TNR: variants seen among roughly 807,000 people sequenced by gnomAD.
TNR encodes tenascin R.
A neutral mutation model predicts 150.4 loss-of-function variants in TNR; 45 were observed. That is an observed-to-expected ratio of 0.30 (90% CI 0.24 to 0.38). TNR has a LOEUF of 0.38. Among genes scored for constraint, TNR ranks in the 10% least tolerant of loss-of-function variants. TNR has a pLI of 1.00. For missense variants in TNR, 1,544 were observed against 1,759.1 expected, an observed-to-expected ratio of 0.88 and a Z score of 2.19; for synonymous variants, 687 against 678.4, an observed-to-expected ratio of 1.01 and a Z score of -0.20.
chr1:175,463,443 G>A, intron 2 of TNR, among the ~76,000 whole-genome samples: 1 of 152,178 alleles, frequency 6.6e-6, no homozygotes, highest in East Asian at 1.9e-4. Context: ...GCAACATCCA[G>A]GAATAAGGTT....
rs561670971 is a variant in TNR at position 175,688,663 on chromosome 1, G to C, written c.-165+54563C>G. 3.3e-5 allele frequency among the ~76,000 whole-genome samples: 5 copies of C among 152,330 alleles called. No individual in the cohort carries two copies. The East Asian group carries it at 9.7e-4, about 29-fold the overall frequency. On this transcript the variant is annotated intron_variant, in intron 1 of 22. Transcript: ENST00000367674. Reference sequence around the variant, plus strand: ...CTGAGAGGCCTTGCCTTTGCCACTAGCAATCCCTAAAGCTGGCTGGATTTA... The same window carrying C: ...CTGAGAGGCCTTGCCTTTGCCACTACCAATCCCTAAAGCTGGCTGGATTTA...
intron 2 of TNR, among the ~76,000 whole-genome samples, chr1:175,518,713 C>T (rs934545140): frequency 6.6e-6 from 1 of 152,166 alleles, no homozygotes; most frequent in African/African-American, 2.4e-5. Flanking sequence ...TACCTTTTAG[C>T]ATCATCTACA....
At chr1:175,507,492 A>G (rs1659006224) in intron 2 of TNR, among the ~76,000 whole-genome samples, 2 of 152,134 alleles carry the variant, frequency 1.3e-5, no homozygotes, top group South Asian at 4.1e-4. Flanking sequence ...CTCCCTGAGT[A>G]TCTGAGGCTG....
chr1:175,488,881 T>C (rs1658124553), intron 2 of TNR, among the ~76,000 whole-genome samples: 1 of 152,134 alleles, frequency 6.6e-6, no homozygotes, highest in Non-Finnish European at 1.5e-5. Context: ...GCCTGCACTT[T>C]GAGAAAAGGT....
At chr1:175,579,049 A>G (rs373261471) in intron 1 of TNR, among the ~76,000 whole-genome samples, 87 of 152,318 alleles carry the variant, frequency 5.7e-4, no homozygotes, top group African/African-American at 2.0e-3. Flanking sequence ...TAACTGACTG[A>G]GAATCCTTCA....
At chr1:175,610,454 C>A (rs923881222) in intron 1 of TNR, among the ~76,000 whole-genome samples, 1 of 152,202 alleles carries the variant, frequency 6.6e-6, no homozygotes, top group South Asian at 2.1e-4. Context: ...GCTTGTTAAC[C>A]AAACTTTAGT....
Position 175,657,883 on chromosome 1 carries a change from A to ATATATATATATATATGTG in TNR, c.-165+85342_-165+85343insCACATATATATATATATA, listed in dbSNP as rs1464419575. Among the ~76,000 whole-genome samples, 398 of 101,080 alleles carry ATATATATATATATATGTG rather than the reference A, an allele frequency of 3.9e-3. 23 individuals carry two copies. The highest frequency in any genetic ancestry group is 6.4e-3 in the Non-Finnish European group (312 of 48,726). The allele number at this position is 101,080 out of a possible 152,430, so 66.3% of individuals were successfully genotyped here. The stretch of plus-strand genomic sequence containing the variant: ...TATATATATATATATATATATATAT[A>ATATATATATATATATGTG]TGTAACAAACCTGCACGTTGTGCAC... On this transcript the variant is annotated intron_variant, in intron 1 of 22. Coordinates refer to ENST00000367674, the MANE Select transcript of TNR (RefSeq NM_003285.3).
At chr1:175,621,447 C>T (rs1663974168) in intron 1 of TNR, among the ~76,000 whole-genome samples, 1 of 152,194 alleles carries the variant, frequency 6.6e-6, no homozygotes, top group African/African-American at 2.4e-5. Context: ...AAACTCACCC[C>T]TGAGGTACAT....
intron 2 of TNR, among the ~76,000 whole-genome samples, chr1:175,520,494 A>C (rs1032249658): frequency 6.6e-6 from 1 of 152,194 alleles, no homozygotes; most frequent in Non-Finnish European, 1.5e-5. Context: ...CACCTGGCCA[A>C]CTTCACAAAT....
chr1:175,439,356 C>A (rs1167018364), intron 2 of TNR, among the ~76,000 whole-genome samples: 4 of 152,004 alleles, frequency 2.6e-5, no homozygotes, highest in African/African-American at 9.7e-5. Flanking sequence ...CTTCCTTACA[C>A]CTTATACAAA....
At chr1:175,421,831 C>T (rs182912218) in intron 2 of TNR, among the ~76,000 whole-genome samples, 1 of 152,192 alleles carries the variant, frequency 6.6e-6, no homozygotes, top group Non-Finnish European at 1.5e-5. Context: ...ATTATATGCC[C>T]CAGAGCTTGT....
intron 1 of TNR, among the ~76,000 whole-genome samples, chr1:175,571,315 T>C (rs1486449531): frequency 1.3e-5 from 2 of 152,200 alleles, no homozygotes; most frequent in East Asian, 3.9e-4. Flanking sequence ...TCAGTAAAAA[T>C]ATAATTCTAT....
At chr1:175,433,661 T>G (rs1167476732) in intron 2 of TNR, among the ~76,000 whole-genome samples, 1 of 152,196 alleles carries the variant, frequency 6.6e-6, no homozygotes, top group Non-Finnish European at 1.5e-5. Flanking sequence ...GGAGAGGGCT[T>G]CATCAAGCAG....
At chr1:175,495,807 G>A (rs1163018155) in intron 2 of TNR, among the ~76,000 whole-genome samples, 1 of 152,170 alleles carries the variant, frequency 6.6e-6, no homozygotes, top group African/African-American at 2.4e-5. Flanking sequence ...GAGAAGCTGG[G>A]ACCTGCGTCA....
intron 8 of TNR, among the ~76,000 whole-genome samples, chr1:175,382,116 AG>A (rs1557898282): frequency 6.6e-6 from 1 of 152,250 alleles, no homozygotes; most frequent in East Asian, 1.9e-4. Context: ...TTTTCATTAT[AG>A]TACTCATAAT....
chr1:175,625,295 G>T (rs1664113665), intron 1 of TNR, among the ~76,000 whole-genome samples: 1 of 152,202 alleles, frequency 6.6e-6, no homozygotes, highest in South Asian at 2.1e-4. Context: ...AAGTGCCAGA[G>T]AAACAGAATA....
chr1:175,627,363 T>G (rs1664186274), intron 1 of TNR, among the ~76,000 whole-genome samples: 1 of 152,186 alleles, frequency 6.6e-6, no homozygotes, highest in African/African-American at 2.4e-5. Context: ...TTTATAAAAC[T>G]TGTTCTGTCT....
intron 1 of TNR, among the ~76,000 whole-genome samples, chr1:175,706,822 A>C (rs1666854503): frequency 6.6e-6 from 1 of 150,398 alleles, no homozygotes; most frequent in African/African-American, 2.5e-5. Context: ...CCTTACCCCC[A>C]AAAAAACCCT....
At chr1:175,549,033 C>T (rs1455583542) in intron 1 of TNR, among the ~76,000 whole-genome samples, 1 of 152,220 alleles carries the variant, frequency 6.6e-6, no homozygotes, top group Non-Finnish European at 1.5e-5. Flanking sequence ...AGGACCAGCA[C>T]ACAAAATCCA....
Sources: allele counts gnomAD v4.1 joint callset (sites outside exome capture counted in the v4.1 genomes callset), GRCh38; gene constraint gnomAD v4.1.1; transcripts MANE v1.5; gene names NCBI Gene and HGNC (gene_info 2026-07-23, HGNC 2026-07-21).